Variants in LARGE1 observed in about 807,000 individuals in gnomAD.
The protein encoded by LARGE1 is xylosyl- and glucuronyltransferase LARGE1.
Under a neutral mutation model 87.6 loss-of-function variants are expected in LARGE1, and 43 were observed. The ratio of observed to expected loss-of-function variants is 0.49; its 90% CI spans 0.38 to 0.63. The LOEUF is 0.63. Ranked by LOEUF, LARGE1 falls within the 30% of genes least tolerant of loss-of-function variation. LARGE1 has a pLI of 0.00. For missense variants in LARGE1, 802 were observed against 1,000.2 expected, an observed-to-expected ratio of 0.80 and a Z score of 2.67; for synonymous variants, 434 against 394.6, an observed-to-expected ratio of 1.10 and a Z score of -1.18.
chr22:33,346,593 G>A (rs977089314), intron 9 of LARGE1, among the ~76,000 whole-genome samples: 10 of 152,168 alleles, frequency 6.6e-5, no homozygotes, highest in Non-Finnish European at 1.3e-4. Flanking sequence ...ATGAGCCTCC[G>A]CGCCTGGCCT....
the LARGE1 span, chr22:33,116,375 G>A: frequency 6.6e-6 from 1 of 152,094 alleles, no homozygotes; most frequent in Non-Finnish European, 1.5e-5. Context: ...TTTTTTTTGA[G>A]ACGGAGTTTT....
At chr22:33,327,447 T>A (rs897447418) in intron 10 of LARGE1, among the ~76,000 whole-genome samples, 2 of 152,220 alleles carry the variant, frequency 1.3e-5, no homozygotes, top group African/African-American at 4.8e-5. Flanking sequence ...GCACTTTGAA[T>A]ACTTTAACCC....
At chr22:33,520,219 C>T (rs1008704970) in intron 6 of LARGE1, among the ~76,000 whole-genome samples, 3 of 151,882 alleles carry the variant, frequency 2.0e-5, no homozygotes, top group Non-Finnish European at 2.9e-5. Context: ...GGACTACAGA[C>T]GTGTGCCACC....
chr22:33,526,321 C>G (rs1312474498), intron 6 of LARGE1, among the ~76,000 whole-genome samples: 1 of 152,182 alleles, frequency 6.6e-6, no homozygotes, highest in Non-Finnish European at 1.5e-5. Flanking sequence ...CAAATAGGTA[C>G]AATGCCAGAG....
chr22:33,685,399 AC>A (rs1206994621), intron 2 of LARGE1, among the ~76,000 whole-genome samples: 1 of 152,108 alleles, frequency 6.6e-6, no homozygotes, highest in Non-Finnish European at 1.5e-5. Flanking sequence ...AAATTATAGA[AC>A]CCAGTCATAT....
intron 1 of LARGE1, among the ~76,000 whole-genome samples, chr22:33,868,448 G>A (rs920718287): frequency 1.3e-5 from 2 of 152,136 alleles, no homozygotes; most frequent in Non-Finnish European, 2.9e-5. Context: ...CCTGCTAGGA[G>A]TTCACCTGGT....
At chr22:33,757,187 C>T (rs1601540636) in intron 2 of LARGE1, among the ~76,000 whole-genome samples, 1 of 151,976 alleles carries the variant, frequency 6.6e-6, no homozygotes, top group Non-Finnish European at 1.5e-5. Flanking sequence ...ACAACTGAGT[C>T]GCTGAAACAG....
chr22:33,132,554 G>T, the LARGE1 span, among the ~76,000 whole-genome samples: 11 of 101,738 alleles, frequency 1.1e-4, no homozygotes, highest in African/African-American at 3.8e-4. Context: ...AATTTAATTT[G>T]GAAGCTCAAG....
intron 11 of LARGE1, among the ~76,000 whole-genome samples, chr22:33,310,242 A>C (rs1295927068): frequency 6.6e-6 from 1 of 152,130 alleles, no homozygotes; most frequent in Non-Finnish European, 1.5e-5. Flanking sequence ...AGCCCAGCCC[A>C]TTCTCTCTCC....
chr22:33,152,363 G>T, the LARGE1 span, among the ~76,000 whole-genome samples: 2 of 152,186 alleles, frequency 1.3e-5, no homozygotes, highest in Admixed American at 6.5e-5. Context: ...GTGCTTCAAA[G>T]AATGTTTCCA....
At chr22:33,584,735 G>A (rs9609828) in intron 5 of LARGE1, among the ~76,000 whole-genome samples, 12,931 of 152,016 alleles carry the variant, frequency 0.085, 678 homozygotes, top group African/African-American at 0.14. Flanking sequence ...AAGGAAGCAG[G>A]ACTTTCCCCA....
At chr22:33,525,072 C>A (rs1044229167) in intron 6 of LARGE1, among the ~76,000 whole-genome samples, 2 of 152,134 alleles carry the variant, frequency 1.3e-5, no homozygotes, top group Non-Finnish European at 2.9e-5. Flanking sequence ...TTCCATCAGG[C>A]AATGTGTTGA....
intron 11 of LARGE1, among the ~76,000 whole-genome samples, chr22:33,260,210 C>A (rs1413906624): frequency 6.6e-6 from 1 of 152,220 alleles, no homozygotes; most frequent in South Asian, 2.1e-4. Context: ...TCCTGACCCA[C>A]CCTGGCGCTT....
intron 6 of LARGE1, among the ~76,000 whole-genome samples, chr22:33,557,493 T>TA (rs2077726082): frequency 6.6e-6 from 1 of 152,212 alleles, no homozygotes; most frequent in Admixed American, 6.5e-5. Context: ...TAGAGGACGT[T>TA]AAAGACCTAA....
intron 7 of LARGE1, 24 bp downstream of exon 7, chr22:33,432,137 T>G (rs2067102176): frequency 1.3e-6 from 2 of 1,586,866 alleles, no homozygotes; most frequent in African/African-American, 2.7e-5. Flanking sequence ...CTGCAACTCT[T>G]CCCATACCAC....
chr22:33,460,185 G>T, intron 6 of LARGE1, among the ~76,000 whole-genome samples: 1 of 152,210 alleles, frequency 6.6e-6, no homozygotes, highest in East Asian at 1.9e-4. Flanking sequence ...GCCTTCCTCG[G>T]TTGTGTCGGC....
At chr22:33,239,542 T>TTC (rs1481033414) in intron 11 of LARGE1, among the ~76,000 whole-genome samples, 4 of 137,486 alleles carry the variant, frequency 2.9e-5, no homozygotes, top group Non-Finnish European at 4.8e-5. Context: ...TTTCTTTTTT[T>TTC]TTTTTTTTTT....
At chr22:33,107,401 G>A in the LARGE1 span, among the ~76,000 whole-genome samples, 8 of 151,834 alleles carry the variant, frequency 5.3e-5, no homozygotes, top group African/African-American at 1.2e-4. Context: ...CCATCTCTAC[G>A]AAAATTAGCT....
intron 14 of LARGE1, 127 bp downstream of exon 14, chr22:33,276,933 A>T (rs1263491690): frequency 2.2e-6 from 2 of 903,514 alleles, no homozygotes; most frequent in Non-Finnish European, 3.6e-6. Context: ...CAGTACTACC[A>T]CTGGTCCTCA....
Sources: gnomAD v4.1 joint callset for allele counts (sites outside exome capture counted in the v4.1 genomes callset) on GRCh38, gnomAD v4.1.1 for gene constraint, MANE v1.5 for transcripts, NCBI Gene and HGNC (gene_info 2026-07-23, HGNC 2026-07-21) for gene names.